LRCH2: variants seen among roughly 807,000 people sequenced by gnomAD.
LRCH2 encodes leucine-rich repeat and calponin homology domain-containing protein 2.
LRCH2 carries 38 observed loss-of-function variants against 68.9 expected under a neutral mutation model. The ratio of observed to expected loss-of-function variants is 0.55; its 90% CI spans 0.43 to 0.72. LRCH2 has a LOEUF of 0.72. LRCH2 is among the 30% of genes least tolerant of loss of function. The pLI is 0.00. For missense variants in LRCH2, 528 were observed against 572.9 expected, an observed-to-expected ratio of 0.92 and a Z score of 0.80; for synonymous variants, 191 against 208.1, an observed-to-expected ratio of 0.92 and a Z score of 0.71.
chrX:115,219,686 T>C (rs1341337129), intron 1 of LRCH2, among the ~76,000 whole-genome samples: 1 of 111,902 alleles, frequency 8.9e-6, no homozygotes, highest in Admixed American at 9.5e-5. Flanking sequence ...AGCTATGTCA[T>C]TTTATAGTCA....
rs188038841 is a variant in LRCH2 at position 115,204,628 on chromosome X, T to C, written c.350-16258A>G. ...AAATCATGTCTCTTAAGTTCAAAGT[T>C]CCACAGATCTCTAGGGCAGGAGCAA... On this transcript the variant is annotated intron_variant, in intron 1 of 20. Transcript: ENST00000317135. 5.4e-5 allele frequency among the ~76,000 whole-genome samples: 6 copies of C among 111,933 alleles called. No individual in the cohort carries two copies. In the Admixed American group the frequency reaches 5.7e-4, roughly 11 times the overall value.
chrX:115,147,662 T>C (rs1556536839), intron 14 of LRCH2, among the ~76,000 whole-genome samples: 10 of 111,529 alleles, frequency 9.0e-5, no homozygotes, highest in Non-Finnish European at 1.9e-4. Context: ...AACCAAAGAA[T>C]TATGTTTTTA....
In LRCH2 at chrX:115,111,544, A is replaced by G. The variant is rs782385021; in HGVS notation, c.*1672T>C. 234 of 110,640 alleles carry G rather than the reference A, an allele frequency of 2.1e-3. No individual in the cohort carries two copies. The highest frequency in any genetic ancestry group is 7.1e-3 in the African/African-American group (217 of 30,472). 9.1% of individuals were successfully genotyped at this position (110,640 alleles called of 1,213,427 possible). A position where few individuals can be genotyped will look rare whatever the true frequency, so the allele number is the denominator to read the frequency against. ...AAGTTTTCACTAGGGAGATTATGTC[A>G]GCGAGTTTTTTTTTTATCCAACTAA... On this transcript the variant is annotated 3_prime_UTR_variant, in exon 21 of 21. Transcript: ENST00000317135.
chrX:115,180,454 TA>T (rs369759422), intron 3 of LRCH2, among the ~76,000 whole-genome samples: 2,905 of 110,369 alleles, frequency 0.026, 91 homozygotes, highest in African/African-American at 0.09. Context: ...TTATCATAAT[TA>T]AAAAAAACAG....
chrX:115,197,795 C>T (rs1409323588), intron 1 of LRCH2, among the ~76,000 whole-genome samples: 1 of 89,896 alleles, frequency 1.1e-5, no homozygotes, highest in African/African-American at 4.3e-5. Flanking sequence ...CTCTACTACA[C>T]TCCAGCCTGG....
chrX:115,156,416 ATTTT>A (rs1556539727), intron 12 of LRCH2, among the ~76,000 whole-genome samples, 182 bp downstream of exon 12: 1 of 111,695 alleles, frequency 9.0e-6, no homozygotes, highest in African/African-American at 3.2e-5. Context: ...AAAGATCAGC[ATTTT>A]TTATTTTGCT....
chrX:115,200,301 T>C (rs1015342736), intron 1 of LRCH2, among the ~76,000 whole-genome samples: 7 of 110,083 alleles, frequency 6.4e-5, no homozygotes, highest in Non-Finnish European at 1.3e-4. Flanking sequence ...TAGAACTAAA[T>C]GAAATAGGGA....
At chrX:115,191,891 G>T (rs201240097) in intron 1 of LRCH2, 2 of 1,163,224 alleles carry the variant, frequency 1.7e-6, no homozygotes, top group Admixed American at 5.2e-5. Context: ...GGAGGAGGCC[G>T]CTACGAGGAG....
chrX:115,183,070 G>GCA (rs782061488), intron 3 of LRCH2, among the ~76,000 whole-genome samples: 3,507 of 106,199 alleles, frequency 0.033, 96 homozygotes, highest in African/African-American at 0.087. Flanking sequence ...GCACGCACAC[G>GCA]CACACACACA....
rs1206726396 is a variant in LRCH2 at position 115,177,413 on chromosome X, A to AT, written c.864+2013_864+2014insA. The stretch of plus-strand genomic sequence containing the variant: ...GTCTCTTCTCCTGCTGCAGTTTACT[A>AT]AGGAAGAAATCCACCAATTCTGCCT... On this transcript the variant is annotated intron_variant, in intron 5 of 20. Coordinates refer to ENST00000317135, the MANE Select transcript of LRCH2 (RefSeq NM_020871.4). Among the ~76,000 whole-genome samples the AT allele has an allele frequency of 4.5e-5, 5 of 111,191 alleles. No individual in the cohort carries two copies. In the East Asian group the frequency reaches 1.4e-3, roughly 32 times the overall value.
At position 115,113,299 on chromosome X, in the gene LRCH2, G is replaced by C; in HGVS notation, c.2215C>G (p.Arg739Gly). The C allele has an allele frequency of 8.4e-7, 1 of 1,194,156 alleles. No homozygotes were observed. The highest frequency in any genetic ancestry group is 1.1e-6 in the Non-Finnish European group (1 of 884,834). ...GTGACACCAACTTTCACAAGTCCTC[G>C]TTCTTCCAAAATATGATGAGGCAAA... is the stretch of plus-strand genomic sequence containing the variant. ...LCLPHHILEE[R>G]GLVKVGVTVQ... The change falls in exon 21 of 21, where the codon CGA (arginine) becomes GGA (glycine). Residue 739 changes from arginine (R) to glycine (G), a missense_variant. Transcript: ENST00000317135.
At chrX:115,190,887 C>T in intron 1 of LRCH2, 1 of 1,164,063 alleles carries the variant, frequency 8.6e-7, no homozygotes, top group Admixed American at 2.6e-5. Flanking sequence ...TGGATGCCAA[C>T]AGTGGAGGCT....
chrX:115,227,955 T>C (rs922943720), intron 1 of LRCH2, among the ~76,000 whole-genome samples: 5 of 111,921 alleles, frequency 4.5e-5, no homozygotes, highest in Non-Finnish European at 7.5e-5. Flanking sequence ...AGAACTTACT[T>C]TCCTATTTGG....
intron 1 of LRCH2, chrX:115,190,834 T>A: frequency 1.7e-6 from 2 of 1,154,595 alleles, no homozygotes; most frequent in Non-Finnish European, 2.3e-6. Context: ...GAGCGACTGC[T>A]GCGGAGGAGG....
intron 5 of LRCH2, among the ~76,000 whole-genome samples, chrX:115,176,741 C>CTT (rs1241375452): frequency 9.6e-6 from 1 of 104,446 alleles, no homozygotes. Flanking sequence ...TTTCTTTTTT[C>CTT]TTTTTTTTTC....
intron 1 of LRCH2, among the ~76,000 whole-genome samples, chrX:115,219,972 G>C (rs782137038): frequency 1.8e-5 from 2 of 111,385 alleles, no homozygotes; most frequent in Non-Finnish European, 3.8e-5. Context: ...CACACAAATA[G>C]TATAGGAAGT....
At chrX:115,159,867 C>T (rs2072504780) in intron 11 of LRCH2, among the ~76,000 whole-genome samples, 1 of 111,145 alleles carries the variant, frequency 9.0e-6, no homozygotes, top group African/African-American at 3.3e-5. Context: ...ACTTTAAAAC[C>T]TTATGAGTTA....
At chrX:115,221,591 T>C (rs145880864) in intron 1 of LRCH2, among the ~76,000 whole-genome samples, 1,963 of 111,338 alleles carry the variant, frequency 0.018, 47 homozygotes, top group African/African-American at 0.061. Context: ...AAAGTCACTA[T>C]ACTCAAATAA....
chrX:115,159,353 T>C (rs1366372499), intron 11 of LRCH2, among the ~76,000 whole-genome samples: 3 of 110,926 alleles, frequency 2.7e-5, no homozygotes, highest in Non-Finnish European at 5.7e-5. Flanking sequence ...TATTTAAATA[T>C]AGTCAAAGTC....
Sources: allele counts gnomAD v4.1 joint callset (sites outside exome capture counted in the v4.1 genomes callset), GRCh38; gene constraint gnomAD v4.1.1; transcripts MANE v1.5; gene names NCBI Gene and HGNC (gene_info 2026-07-23, HGNC 2026-07-21).